The following SMOC1 variants were observed in gnomAD, a reference collection of about 807,000 sequenced individuals.
SMOC1 encodes SPARC related modular calcium binding 1, also known as SPARC-related modular calcium-binding protein 1.
Under a neutral mutation model 56.3 loss-of-function variants are expected in SMOC1, and 22 were observed. That is an observed-to-expected ratio of 0.39 (90% CI 0.28 to 0.56). The LOEUF (loss-of-function observed/expected upper bound fraction) is 0.56. SMOC1 is among the 20% of genes least tolerant of loss of function. The pLI is 0.61. For missense variants in SMOC1, 509 were observed against 565.4 expected, an observed-to-expected ratio of 0.90 and a Z score of 1.01; for synonymous variants, 193 against 215.0, an observed-to-expected ratio of 0.90 and a Z score of 0.89.
At chr14:69,937,792 G>A (rs906655065) in intron 1 of SMOC1, among the ~76,000 whole-genome samples, 3 of 152,184 alleles carry the variant, frequency 2.0e-5, no homozygotes, top group Non-Finnish European at 4.4e-5. Context: ...GTGCATGTAT[G>A]TGCTTTTGTG....
At chr14:69,963,402 C>G (rs1883456372) in intron 3 of SMOC1, among the ~76,000 whole-genome samples, 1 of 152,148 alleles carries the variant, frequency 6.6e-6, no homozygotes, top group Non-Finnish European at 1.5e-5. Context: ...TTGTATATCT[C>G]TAAGAGCTTT....
intron 1 of SMOC1, among the ~76,000 whole-genome samples, chr14:69,894,019 G>A (rs1353793694): frequency 5.3e-5 from 8 of 152,174 alleles, no homozygotes; most frequent in Admixed American, 5.2e-4. Context: ...GACCAACCCT[G>A]CCAGCATCTT....
At chr14:69,916,139 C>T (rs1884680539) in intron 1 of SMOC1, among the ~76,000 whole-genome samples, 1 of 152,186 alleles carries the variant, frequency 6.6e-6, no homozygotes, top group Middle Eastern at 3.2e-3. Flanking sequence ...CTTACCAAAC[C>T]CATTTACCCA....
intron 3 of SMOC1, among the ~76,000 whole-genome samples, chr14:69,954,966 C>G (rs1883134256): frequency 6.6e-6 from 1 of 152,120 alleles, no homozygotes; most frequent in African/African-American, 2.4e-5. Context: ...TGGATATCAG[C>G]ATTTTAAAAG....
chr14:70,026,103 T>A (rs558345782), intron 11 of SMOC1, among the ~76,000 whole-genome samples: 21 of 152,338 alleles, frequency 1.4e-4, no homozygotes, highest in African/African-American at 4.1e-4. Context: ...GTTAGATGAA[T>A]GAATAAGTGA....
intron 1 of SMOC1, among the ~76,000 whole-genome samples, chr14:69,940,648 G>A (rs973644977): frequency 2.6e-5 from 4 of 152,168 alleles, no homozygotes; most frequent in East Asian, 1.9e-4. Context: ...ACCCCCACAA[G>A]TCTAAGTCCT....
At chr14:70,010,692 A>G (rs1287164409) in intron 7 of SMOC1, 62 bp from the exon 8 acceptor site, 5 of 1,575,120 alleles carry the variant, frequency 3.2e-6, no homozygotes, top group Non-Finnish European at 4.4e-6. Context: ...TGCTGGGCAC[A>G]GAAGACAGGA....
intron 3 of SMOC1, among the ~76,000 whole-genome samples, chr14:69,969,499 G>T (rs1883683745): frequency 6.6e-6 from 1 of 152,026 alleles, no homozygotes; most frequent in South Asian, 2.1e-4. Context: ...ACTTTTAAAC[G>T]ACCAGATCTC....
chr14:69,889,573 A>G (rs1446217340), intron 1 of SMOC1, among the ~76,000 whole-genome samples: 4 of 152,160 alleles, frequency 2.6e-5, no homozygotes, highest in Non-Finnish European at 4.4e-5. Context: ...AATGGAGGTC[A>G]CAGCACCTCT....
intron 3 of SMOC1, among the ~76,000 whole-genome samples, chr14:69,967,440 G>A (rs923748010): frequency 1.3e-5 from 2 of 152,042 alleles, no homozygotes; most frequent in Non-Finnish European, 2.9e-5. Context: ...ACACAAATTC[G>A]TAAACCTTCT....
intron 1 of SMOC1, among the ~76,000 whole-genome samples, chr14:69,896,475 G>A (rs539501412): frequency 6.6e-6 from 1 of 152,114 alleles, no homozygotes; most frequent in Non-Finnish European, 1.5e-5. Context: ...TGAAGTAATG[G>A]TAGGAAGCTC....
chr14:69,950,924 T>A (rs927138542), intron 1 of SMOC1, among the ~76,000 whole-genome samples: 1 of 152,276 alleles, frequency 6.6e-6, no homozygotes, highest in African/African-American at 2.4e-5. Context: ...TTCTCAGTTC[T>A]GTGGGTTAAC....
At chr14:69,963,284 A>G (rs1883449724) in intron 3 of SMOC1, among the ~76,000 whole-genome samples, 1 of 152,074 alleles carries the variant, frequency 6.6e-6, no homozygotes, top group Non-Finnish European at 1.5e-5. Flanking sequence ...CTAGGTTTGG[A>G]GACAATGTCA....
chr14:70,007,597 C>T (rs1436621843), intron 7 of SMOC1, among the ~76,000 whole-genome samples: 1 of 152,184 alleles, frequency 6.6e-6, no homozygotes, highest in Non-Finnish European at 1.5e-5. Context: ...TTATTTGTCT[C>T]CTAGAGCAAA....
rs532594573 is a variant in SMOC1 at position 70,013,104 on chromosome 14, C to T, written c.941-282C>T. On this transcript the variant is annotated intron_variant, in intron 9 of 11. Transcript: ENST00000361956. ...ATAAGGACCTTCTGTATTGTTAACT[C>T]TGTATCTCTAGCGTTTAACATGGTG... Among the ~76,000 whole-genome samples the T allele has an allele frequency of 1.3e-4, 20 of 152,294 alleles. No homozygotes were observed. The South Asian group carries it at 3.9e-3, about 30-fold the overall frequency.
intron 3 of SMOC1, among the ~76,000 whole-genome samples, chr14:69,969,404 G>A (rs535600469): frequency 3.3e-5 from 5 of 152,214 alleles, no homozygotes; most frequent in African/African-American, 4.8e-5. Flanking sequence ...CAATCATGGC[G>A]GAAGGGGAAG....
At chr14:69,928,109 G>T (rs1204866653) in intron 1 of SMOC1, among the ~76,000 whole-genome samples, 1 of 152,200 alleles carries the variant, frequency 6.6e-6, no homozygotes, top group Non-Finnish European at 1.5e-5. Context: ...GCCCAGTGAG[G>T]AGAAGGGACT....
intron 1 of SMOC1, among the ~76,000 whole-genome samples, chr14:69,922,218 G>T (rs1884865370): frequency 6.6e-6 from 1 of 152,236 alleles, no homozygotes; most frequent in South Asian, 2.1e-4. Context: ...AAATACTGCA[G>T]GCTGGGAGGA....
intron 1 of SMOC1, among the ~76,000 whole-genome samples, chr14:69,942,727 T>C (rs1305614883): frequency 1.3e-5 from 2 of 152,226 alleles, no homozygotes; most frequent in Admixed American, 6.5e-5. Context: ...TTTTGGAAAT[T>C]TGATGACTTG....
Sources: gnomAD v4.1 joint callset for allele counts (sites outside exome capture counted in the v4.1 genomes callset) on GRCh38, gnomAD v4.1.1 for gene constraint, MANE v1.5 for transcripts, NCBI Gene and HGNC (gene_info 2026-07-23, HGNC 2026-07-21) for gene names.